ZFHX3: variants seen among roughly 807,000 people sequenced by gnomAD.
The protein encoded by ZFHX3 is zinc finger homeobox protein 3.
Under a neutral mutation model 279.1 loss-of-function variants are expected in ZFHX3, and 42 were observed. The ratio of observed to expected loss-of-function variants is 0.15; its 90% CI spans 0.12 to 0.19. ZFHX3 has a LOEUF of 0.19. Among genes scored for constraint, ZFHX3 ranks in the 10% least tolerant of loss-of-function variants. The pLI, the probability that ZFHX3 is intolerant of heterozygous loss-of-function variation, is 1.00. For synonymous variants in ZFHX3, 2,293 were observed against 1,957.8 expected, an observed-to-expected ratio of 1.17 and a Z score of -4.52; for missense variants, 4,981 against 4,754.0, an observed-to-expected ratio of 1.05 and a Z score of -1.40.
intron 5 of ZFHX3, among the ~76,000 whole-genome samples, chr16:73,193,715 C>G (rs920738174): frequency 6.6e-6 from 1 of 152,196 alleles, no homozygotes; most frequent in Admixed American, 6.5e-5. Flanking sequence ...ACCCCACAGA[C>G]TATGGGGCCA....
At chr16:72,983,426 G>C (rs768003399) in intron 1 of ZFHX3, among the ~76,000 whole-genome samples, 2 of 152,230 alleles carry the variant, frequency 1.3e-5, no homozygotes, top group Non-Finnish European at 2.9e-5. Flanking sequence ...GAAGGCCTAG[G>C]CCAGGTGCGA....
rs780352785 is a variant in ZFHX3, at chr16:72,959,957, C to T, written c.189G>A (p.Glu63=). Residue 63 remains glutamate (E), a synonymous_variant, in exon 2 of 10, where the codon GAG becomes GAA. Transcript: ENST00000268489. Reference sequence around the variant, plus strand: ...AGGGGGGCCCGGCCGACGCGGTGCTCTCCGCGAGGCGCTCATTGAAGGGGG... The same window carrying T: ...AGGGGGGCCCGGCCGACGCGGTGCTTTCCGCGAGGCGCTCATTGAAGGGGG... ...LRAPFNERLA[E]STASAGPPSE... The T allele has an allele frequency of 1.9e-6, 3 of 1,607,180 alleles. No individual in the cohort carries two copies. The highest frequency in any genetic ancestry group is 1.7e-5 in the Admixed American group (1 of 59,174).
intron 1 of ZFHX3, among the ~76,000 whole-genome samples, chr16:72,996,469 G>A (rs1289787462): frequency 6.6e-6 from 1 of 152,174 alleles, no homozygotes; most frequent in Non-Finnish European, 1.5e-5. Context: ...CAAGAAGCTG[G>A]TCCTCAATAA....
chr16:73,090,115 C>T (rs756370696), intron 8 of ZFHX3, among the ~76,000 whole-genome samples: 2 of 152,350 alleles, frequency 1.3e-5, no homozygotes, highest in East Asian at 1.9e-4. Flanking sequence ...TCTGTGGGGC[C>T]GGGCTTGGTG....
At chr16:73,579,359 GCTGTGT>G (rs1400304477) in intron 2 of ZFHX3, among the ~76,000 whole-genome samples, 1 of 152,128 alleles carries the variant, frequency 6.6e-6, no homozygotes, top group Non-Finnish European at 1.5e-5. Context: ...ACCTCCTGAG[GCTGTGT>G]CATGGGTGCA....
At chr16:72,832,303 T>C (rs565580812) in intron 4 of ZFHX3, among the ~76,000 whole-genome samples, 4 of 152,204 alleles carry the variant, frequency 2.6e-5, no homozygotes, top group South Asian at 4.1e-4. Flanking sequence ...AAGCAGATCA[T>C]TGATGCATCA....
intron 4 of ZFHX3, among the ~76,000 whole-genome samples, chr16:73,272,310 G>GT (rs1200435439): frequency 3.9e-5 from 6 of 151,942 alleles, no homozygotes; most frequent in South Asian, 4.1e-4. Flanking sequence ...TTCTCTCCCA[G>GT]TTTTTTTCTG....
chr16:72,932,681 T>C (rs1959885927), intron 3 of ZFHX3, among the ~76,000 whole-genome samples: 1 of 147,226 alleles, frequency 6.8e-6, no homozygotes, highest in South Asian at 2.1e-4. Context: ...AAAAATCCAC[T>C]GACCTTTCCA....
intron 4 of ZFHX3, among the ~76,000 whole-genome samples, chr16:73,308,052 A>G (rs2015223254): frequency 6.6e-6 from 1 of 151,842 alleles, no homozygotes; most frequent in Non-Finnish European, 1.5e-5. Flanking sequence ...ATAAACAGCC[A>G]AAGAGGGGGA....
chr16:73,287,895 G>A (rs2014670437), intron 4 of ZFHX3, among the ~76,000 whole-genome samples: 1 of 151,966 alleles, frequency 6.6e-6, no homozygotes, highest in Non-Finnish European at 1.5e-5. Context: ...CGGCTGTGTG[G>A]GTGTGAGCCG....
chr16:73,695,242 G>GTT (rs5817868), intron 1 of ZFHX3, among the ~76,000 whole-genome samples: 73,730 of 138,974 alleles, frequency 0.53, 20,994 homozygotes, highest in East Asian at 0.83. Flanking sequence ...GTTTTTTTTT[G>GTT]TTTTTTTTTT....
intron 2 of ZFHX3, among the ~76,000 whole-genome samples, chr16:73,678,192 C>T (rs1211047542): frequency 1.3e-5 from 2 of 151,956 alleles, no homozygotes; most frequent in African/African-American, 2.4e-5. Flanking sequence ...GTTCATTTTT[C>T]GATAACAGGA....
At chr16:73,368,988 G>A (rs1429019342) in intron 3 of ZFHX3, among the ~76,000 whole-genome samples, 8 of 152,208 alleles carry the variant, frequency 5.3e-5, no homozygotes, top group Non-Finnish European at 8.8e-5. Flanking sequence ...CAGATACAAT[G>A]TGACCTCTGT....
intron 1 of ZFHX3, among the ~76,000 whole-genome samples, chr16:73,000,481 T>C (rs748823067): frequency 3.9e-5 from 6 of 152,302 alleles, no homozygotes; most frequent in African/African-American, 9.6e-5. Context: ...CTCAACCCAA[T>C]AGAGTATCCT....
intron 5 of ZFHX3, among the ~76,000 whole-genome samples, chr16:73,241,313 T>G (rs1173536605): frequency 6.6e-6 from 1 of 152,132 alleles, no homozygotes; most frequent in Non-Finnish European, 1.5e-5. Flanking sequence ...TGCTTTTTGC[T>G]TATTGAGTCC....
Position 72,793,688 on chromosome 16 carries a change from C to G in ZFHX3, c.8994G>C (p.Arg2998=), listed in dbSNP as rs754599342. ...RVVQVWFQNA[R]AKEKKSKLSM... ...TTAACTTGGACTTCTTTTCTTTTGCCCGGGCATTCTGGAACCAGACCTGAA... is the reference window on the plus strand; with the variant it reads ...TTAACTTGGACTTCTTTTCTTTTGCGCGGGCATTCTGGAACCAGACCTGAA... The change falls in exon 9 of 10, where the codon CGG becomes CGC. Residue 2998 remains arginine (R), a synonymous_variant. Transcript: ENST00000268489. The surrounding 1 kb of genome is among the most constrained non-coding windows in gnomAD (Gnocchi z 4.3). The G allele has an allele frequency of 3.7e-6, 6 of 1,614,104 alleles. No individual in the cohort carries two copies. Among genetic ancestry groups the G allele is most frequent in the South Asian group, 3.3e-5 (3 of 91,082 alleles).
At position 73,337,895 on chromosome 16, in the gene ZFHX3, G is replaced by GGA. The variant is rs1555510893; in HGVS notation, c.-1290-19560_-1290-19559insTC. Among the ~76,000 whole-genome samples the GGA allele has an allele frequency of 2.8e-5, 4 of 144,932 alleles. 2 individuals carry two copies. Among genetic ancestry groups the GGA allele is most frequent in the Non-Finnish European group, 6.2e-5 (4 of 64,830 alleles). On this transcript the variant is annotated intron_variant, in intron 3 of 17. Transcript: ENST00000641206. ...ATAAGTCTTCATCTTCCCTTGGCGG[G>GGA]GGGGGGGGTCCTCATCCCCTTTTTA...
intron 4 of ZFHX3, among the ~76,000 whole-genome samples, chr16:72,867,918 GCA>G (rs2038061194): frequency 6.6e-6 from 1 of 152,116 alleles, no homozygotes; most frequent in Admixed American, 6.6e-5. Flanking sequence ...ATCAAGAGCC[GCA>G]CAGAGTCTGC....
intron 1 of ZFHX3, among the ~76,000 whole-genome samples, chr16:73,773,763 G>T (rs2054046487): frequency 6.6e-6 from 1 of 152,100 alleles, no homozygotes; most frequent in African/African-American, 2.4e-5. Context: ...AAACACCTAG[G>T]GGGCAAATGT....
Sources: gnomAD v4.1 joint callset for allele counts (sites outside exome capture counted in the v4.1 genomes callset) on GRCh38, gnomAD v4.1.1 for gene constraint, Gnocchi (gnomAD v3.1) non-coding constraint, MANE v1.5 for transcripts, NCBI Gene and HGNC (gene_info 2026-07-23, HGNC 2026-07-21) for gene names.